PKN2: variants seen among roughly 807,000 people sequenced by gnomAD.
The protein encoded by PKN2 is protein kinase N2.
PKN2 carries 38 observed loss-of-function variants against 119.1 expected under a neutral mutation model. The observed-to-expected ratio is 0.32, with a 90% CI of 0.25 to 0.42. PKN2 has a LOEUF of 0.42. Among genes scored for constraint, PKN2 ranks in the 10% least tolerant of loss-of-function variants. The pLI, the probability that PKN2 is intolerant of heterozygous loss-of-function variation, is 1.00. For synonymous variants in PKN2, 390 were observed against 384.9 expected, an observed-to-expected ratio of 1.01 and a Z score of -0.15; for missense variants, 850 against 1,165.1, an observed-to-expected ratio of 0.73 and a Z score of 3.94.
intron 3 of PKN2, among the ~76,000 whole-genome samples, chr1:88,767,193 A>G (rs555875631): frequency 6.6e-6 from 1 of 152,328 alleles, no homozygotes; most frequent in East Asian, 1.9e-4. Flanking sequence ...GCTAGGCAAG[A>G]TAATTTTAGT....
At chr1:88,753,947 G>T (rs935976948) in intron 2 of PKN2, among the ~76,000 whole-genome samples, 3 of 152,138 alleles carry the variant, frequency 2.0e-5, no homozygotes, top group African/African-American at 7.2e-5. Context: ...CCAGCTTTCA[G>T]TGTTGTTGCT....
chr1:88,759,179 A>G (rs1000401163), intron 2 of PKN2, among the ~76,000 whole-genome samples: 2 of 151,230 alleles, frequency 1.3e-5, no homozygotes, highest in Admixed American at 6.6e-5. Context: ...CCTGACCAAC[A>G]TGGTGAAACT....
At position 88,807,795 on chromosome 1, in the gene PKN2, A is replaced by G. The variant is rs1557626089; in HGVS notation, c.2102+20A>G. ...AGACAGGTTAGTTTTTAAAAATGAA[A>G]TTGTTTATTTTTCTGAATTTGTAAG... On this transcript the variant is annotated intron_variant, in intron 15 of 21. Transcript: ENST00000370521. 1 of 1,383,542 alleles carries G rather than the reference A, an allele frequency of 7.2e-7. No homozygotes were observed. The highest frequency in any genetic ancestry group is 2.3e-5 in the East Asian group (1 of 43,496). The allele number at this position is 1,383,542 out of a possible 1,614,324, so 85.7% of individuals were successfully genotyped here.
chr1:88,812,268 G>C (rs955440328), intron 15 of PKN2, among the ~76,000 whole-genome samples: 3 of 152,126 alleles, frequency 2.0e-5, no homozygotes, highest in African/African-American at 7.2e-5. Context: ...TTGTAATTCA[G>C]ATAATTCCTG....
At chr1:88,819,530 A>T (rs1260479108) in intron 16 of PKN2, among the ~76,000 whole-genome samples, 1 of 152,248 alleles carries the variant, frequency 6.6e-6, no homozygotes, top group Non-Finnish European at 1.5e-5. Context: ...GCTGGAGAGG[A>T]TATGGAGAAA....
At chr1:88,809,862 T>C (rs1445143656) in intron 15 of PKN2, among the ~76,000 whole-genome samples, 2 of 152,068 alleles carry the variant, frequency 1.3e-5, no homozygotes, top group Non-Finnish European at 2.9e-5. Context: ...CGATCCTCCT[T>C]GGCCTCCCGA....
chr1:88,740,845 G>A (rs1668549128), intron 1 of PKN2, 143 bp from the exon 2 acceptor site: 1 of 501,638 alleles, frequency 2.0e-6, no homozygotes, highest in African/African-American at 2.0e-5. Flanking sequence ...TAAGTAGTTG[G>A]TCTATTGCTT....
chr1:88,756,565 G>T (rs1044288247), intron 2 of PKN2, among the ~76,000 whole-genome samples: 1 of 152,048 alleles, frequency 6.6e-6, no homozygotes, highest in Admixed American at 6.6e-5. Flanking sequence ...TCAACTAGGG[G>T]CCTTCTATTC....
At chr1:88,806,221 C>G (rs1304284940) in intron 12 of PKN2, 4 of 521,088 alleles carry the variant, frequency 7.7e-6, no homozygotes, top group African/African-American at 3.9e-5. Flanking sequence ...ATGGCATGAT[C>G]TCGGCTCACT....
chr1:88,779,162 C>A (rs1159818911), intron 6 of PKN2, among the ~76,000 whole-genome samples: 1 of 152,152 alleles, frequency 6.6e-6, no homozygotes, highest in African/African-American at 2.4e-5. Flanking sequence ...AGGCTGCCAT[C>A]TTCAATACTG....
Position 88,684,424 on chromosome 1 carries a change from G to A in PKN2, c.-157G>A. On this transcript the variant is annotated 5_prime_UTR_variant, in exon 1 of 22. Transcript: ENST00000370521. ...GCTCTCGATGAACCGGACGGAATAA[G>A]CCGCGCCTCCAGCAGGGGCTGCGCC... is the stretch of plus-strand genomic sequence containing the variant. The A allele has an allele frequency of 4.7e-6, 3 of 637,462 alleles. No individual in the cohort carries two copies. The highest frequency in any genetic ancestry group is 5.2e-6 in the Non-Finnish European group (2 of 387,334). The allele number at this position is 637,462 out of a possible 1,614,324, so 39.5% of individuals were successfully genotyped here.
chr1:88,781,253 A>G, intron 6 of PKN2: 1 of 795,144 alleles, frequency 1.3e-6, no homozygotes, highest in Non-Finnish European at 1.7e-6. Context: ...GTATGATTAT[A>G]CTACTGAAAT....
chr1:88,740,713 C>T (rs143733276), intron 1 of PKN2, among the ~76,000 whole-genome samples: 5 of 152,188 alleles, frequency 3.3e-5, no homozygotes, highest in Non-Finnish European at 7.4e-5. Flanking sequence ...GCTATCTTTA[C>T]ACAGCCTTTG....
chr1:88,693,771 C>T (rs1666419801), intron 1 of PKN2, among the ~76,000 whole-genome samples: 1 of 152,130 alleles, frequency 6.6e-6, no homozygotes, highest in African/African-American at 2.4e-5. Context: ...ACCTGAAGCA[C>T]ATTGTTTTTC....
chr1:88,734,937 A>G (rs1668278492), intron 1 of PKN2, among the ~76,000 whole-genome samples: 1 of 149,928 alleles, frequency 6.7e-6, no homozygotes, highest in Admixed American at 6.7e-5. Context: ...CCCATTTTAC[A>G]TCTTATATTA....
At chr1:88,770,679 G>A (rs1444879846) in intron 4 of PKN2, among the ~76,000 whole-genome samples, 2 of 149,690 alleles carry the variant, frequency 1.3e-5, no homozygotes, top group African/African-American at 4.9e-5. Context: ...TCCGCCTCCC[G>A]GGTTCACGCC....
At chr1:88,737,112 G>A (rs1668379594) in intron 1 of PKN2, among the ~76,000 whole-genome samples, 1 of 152,188 alleles carries the variant, frequency 6.6e-6, no homozygotes, top group Non-Finnish European at 1.5e-5. Context: ...TTGTGGCCAG[G>A]ACGGCCACCG....
intron 2 of PKN2, 62 bp from the exon 3 acceptor site, chr1:88,760,160 A>G: frequency 1.1e-6 from 1 of 933,728 alleles, no homozygotes; most frequent in South Asian, 1.5e-5. Context: ...GAAAAATATT[A>G]ACTTCCAATT....
Position 88,755,303 on chromosome 1 carries a change from A to C in PKN2, c.350-4919A>C, listed in dbSNP as rs569864963. 1.1e-4 allele frequency among the ~76,000 whole-genome samples: 17 copies of C among 152,286 alleles called. No individual in the cohort carries two copies. The East Asian group carries it at 3.3e-3, about 29-fold the overall frequency. On this transcript the variant is annotated intron_variant, in intron 2 of 21. Transcript: ENST00000370521. The stretch of plus-strand genomic sequence containing the variant: ...CAAGGAAGAAAATTGGAGAGAAGAA[A>C]AGCAGTGTGTAGGAAGGCAGGTTAA...
Sources: gnomAD v4.1 joint callset for allele counts (sites outside exome capture counted in the v4.1 genomes callset) on GRCh38, gnomAD v4.1.1 for gene constraint, MANE v1.5 for transcripts, NCBI Gene and HGNC (gene_info 2026-07-23, HGNC 2026-07-21) for gene names.